The following CDC42EP4 variants were observed in gnomAD, a reference collection of about 807,000 sequenced individuals.
The protein encoded by CDC42EP4 is CDC42 effector protein (Rho GTPase binding) 4.
Under a neutral mutation model 5.6 loss-of-function variants are expected in CDC42EP4, and 6 were observed. The observed-to-expected ratio is 1.07, with a 90% CI of 0.59 to 2.12. The LOEUF is 2.12. CDC42EP4 is among the 30% of genes most tolerant of loss of function. CDC42EP4 has a pLI of 0.00. For synonymous variants in CDC42EP4, 230 were observed against 224.2 expected, an observed-to-expected ratio of 1.03 and a Z score of -0.23; for missense variants, 490 against 508.6, an observed-to-expected ratio of 0.96 and a Z score of 0.35.
At chr17:73,302,203 C>T (rs151072116) in intron 1 of CDC42EP4, among the ~76,000 whole-genome samples, 1 of 152,264 alleles carries the variant, frequency 6.6e-6, no homozygotes, top group Non-Finnish European at 1.5e-5. Flanking sequence ...ACCTTACAGG[C>T]TCTAAGCAAC....
chr17:73,285,840 C>T lies in CDC42EP4; in HGVS notation c.661G>A (p.Val221Ile), dbSNP rs765639996. The change falls in exon 2 of 2, where the codon GTC (valine) becomes ATC (isoleucine). Residue 221 changes from valine to isoleucine, a missense_variant. Physicochemically the swap from Val to Ile is conservative, Grantham distance 29. Coordinates refer to ENST00000335793, the MANE Select transcript of CDC42EP4 (RefSeq NM_012121.5). The surrounding 1 kb of genome is among the most constrained non-coding windows in gnomAD (Gnocchi z 6.8). ...IDLGPSMLGDVLSIMDKEEWD... is the reference protein window; with the variant it reads ...IDLGPSMLGDILSIMDKEEWD... ...TCCTCCTTGTCCATGATGCTGAGGACGTCACCCAGCATGGAGGGCCCCAGG... is the reference window on the plus strand; with the variant it reads ...TCCTCCTTGTCCATGATGCTGAGGATGTCACCCAGCATGGAGGGCCCCAGG... The T allele has an allele frequency of 6.8e-6, 11 of 1,613,684 alleles. No homozygotes were observed. Among genetic ancestry groups the T allele is most frequent in the South Asian group, 2.2e-5 (2 of 91,086 alleles).
intron 1 of CDC42EP4, among the ~76,000 whole-genome samples, chr17:73,289,715 CAGGAAGGGAGGAAGGG>C (rs1286046230): frequency 1.9e-5 from 1 of 53,906 alleles, no homozygotes; most frequent in African/African-American, 5.2e-5. Context: ...CTGAAGAAAA[CAGGAAGGGAGGAAGGG>C]AGGGAGGGAG....
intron 1 of CDC42EP4, among the ~76,000 whole-genome samples, chr17:73,296,994 A>AC (rs2062190226): frequency 7.9e-6 from 1 of 126,436 alleles, no homozygotes; most frequent in Admixed American, 8.1e-5. Flanking sequence ...AAAAAAAAAA[A>AC]AAAAAAAAAA....
At chr17:73,289,093 G>T (rs1307190263) in intron 1 of CDC42EP4, among the ~76,000 whole-genome samples, 1 of 152,140 alleles carries the variant, frequency 6.6e-6, no homozygotes, top group Non-Finnish European at 1.5e-5. Flanking sequence ...ACATTGAACC[G>T]CTAGACCAAA....
At chr17:73,303,925 C>T (rs2062232131) in intron 1 of CDC42EP4, among the ~76,000 whole-genome samples, 1 of 152,202 alleles carries the variant, frequency 6.6e-6, no homozygotes, top group Admixed American at 6.5e-5. Context: ...TGGGAAAACA[C>T]ACTACGGCTT....
At chr17:73,301,934 C>T (rs956125876) in intron 1 of CDC42EP4, among the ~76,000 whole-genome samples, 2 of 152,106 alleles carry the variant, frequency 1.3e-5, no homozygotes, top group Non-Finnish European at 2.9e-5. Flanking sequence ...AGGTGATCCA[C>T]CCACCTCGGC....
chr17:73,298,903 G>C (rs1264527687), intron 1 of CDC42EP4, among the ~76,000 whole-genome samples: 2 of 151,598 alleles, frequency 1.3e-5, no homozygotes, highest in Non-Finnish European at 1.5e-5. Context: ...CTATTTTAAA[G>C]AACGAGAAAC....
In CDC42EP4 at chr17:73,286,718, G is replaced by A. The variant is rs1317915502; in HGVS notation, c.-112-106C>T. 1.8e-6 allele frequency: 1 copy of A among 556,560 alleles called. No individual in the cohort carries two copies. Among genetic ancestry groups the A allele is most frequent in the African/African-American group, 1.9e-5 (1 of 53,448 alleles). The allele number at this position is 556,560 out of a possible 1,614,324, so 34.5% of individuals were successfully genotyped here. A position where few individuals can be genotyped will look rare whatever the true frequency, so the allele number is the denominator to read the frequency against. On this transcript the variant is annotated intron_variant, in intron 1 of 1. Transcript: ENST00000335793. This position sits in a 1 kb window ranked among gnomAD's most constrained non-coding sequence, Gnocchi z 7.7. ...TTTAAACCCCAGCGCTCCTACCAAA[G>A]TTAAATGCTGTGAAATAAGCCAGCA...
chr17:73,289,598 T>C lies in CDC42EP4; in HGVS notation c.-112-2986A>G, dbSNP rs2145308956. On this transcript the variant is annotated intron_variant, in intron 1 of 1. Coordinates refer to ENST00000335793, the MANE Select transcript of CDC42EP4 (RefSeq NM_012121.5). ...AAACCACCAAAAAGCCACATCTTTA[T>C]TTACAAAAGCAAACGCAGGCTGGGT... Among the ~76,000 whole-genome samples, 2 of 151,876 alleles carry C rather than the reference T, an allele frequency of 1.3e-5. 1 individual carries two copies. The highest frequency in any genetic ancestry group is 6.8e-3 in the Middle Eastern group (2 of 294).
chr17:73,306,399 C>A (rs894398752), intron 1 of CDC42EP4, among the ~76,000 whole-genome samples: 2 of 151,896 alleles, frequency 1.3e-5, no homozygotes, highest in African/African-American at 4.8e-5. Flanking sequence ...CTACTCAAGG[C>A]TGAGGTGGGA....
At chr17:73,295,369 G>A (rs2062179437) in intron 1 of CDC42EP4, among the ~76,000 whole-genome samples, 1 of 152,096 alleles carries the variant, frequency 6.6e-6, no homozygotes, top group Non-Finnish European at 1.5e-5. Flanking sequence ...TGGGCTCACC[G>A]CCAGGCACTA....
intron 1 of CDC42EP4, among the ~76,000 whole-genome samples, chr17:73,308,972 A>G (rs996504278): frequency 2.2e-5 from 3 of 136,912 alleles, no homozygotes; most frequent in Non-Finnish European, 3.1e-5. Flanking sequence ...CGGGAGGTGG[A>G]GGATGCAGTG....
chr17:73,293,350 G>A (rs576942144), intron 1 of CDC42EP4, among the ~76,000 whole-genome samples: 4 of 152,208 alleles, frequency 2.6e-5, no homozygotes, highest in Non-Finnish European at 1.5e-5. Flanking sequence ...TGGGTCTGGC[G>A]AAGGGGGACA....
upstream of CDC42EP4, chr17:73,312,001 T>TG (rs2062277805): frequency 6.6e-6 from 1 of 152,134 alleles, no homozygotes; most frequent in South Asian, 2.0e-4. Context: ...TGTTTCCCTC[T>TG]GGCTCTCGGG....
At chr17:73,291,062 A>G (rs2062159224) in intron 1 of CDC42EP4, among the ~76,000 whole-genome samples, 1 of 152,004 alleles carries the variant, frequency 6.6e-6, no homozygotes, top group African/African-American at 2.4e-5. Flanking sequence ...CAGCAGGGAA[A>G]CTCAGCTGAA....
intron 1 of CDC42EP4, among the ~76,000 whole-genome samples, chr17:73,301,864 A>G (rs1183261449): frequency 2.6e-5 from 4 of 152,088 alleles, no homozygotes; most frequent in Admixed American, 1.3e-4. Context: ...TAATTTTTGC[A>G]TTTTTAGTAG....
chr17:73,285,742 G>A lies in CDC42EP4; in HGVS notation c.759C>T (p.Pro253=). ...GGGGAGGGGCCGCCACGGCGTACGG[G>A]GGAGCCTGGGTGATGGTGCCAGCGG... ...EGAAGTITQA[P]PYAVAAPPLA... Residue 253 remains proline (P), a synonymous_variant, in exon 2 of 2, where the codon CCC becomes CCT. Transcript: ENST00000335793. This position sits in a 1 kb window ranked among gnomAD's most constrained non-coding sequence, Gnocchi z 6.8. The A allele has an allele frequency of 6.3e-7, 1 of 1,588,834 alleles. No individual in the cohort carries two copies. The highest frequency in any genetic ancestry group is 8.6e-7 in the Non-Finnish European group (1 of 1,162,284).
intron 1 of CDC42EP4, chr17:73,310,771 A>ACACACACACACACGCACT (rs1568347687): frequency 6.6e-5 from 10 of 152,278 alleles, no homozygotes; most frequent in African/African-American, 1.9e-4. Flanking sequence ...ACACACACAC[A>ACACACACACACACGCACT]CACACACACA....
At position 73,285,341 on chromosome 17, in the gene CDC42EP4, C is replaced by A; in HGVS notation, c.*89G>T. On this transcript the variant is annotated 3_prime_UTR_variant, in exon 2 of 2. Coordinates refer to ENST00000335793, the MANE Select transcript of CDC42EP4 (RefSeq NM_012121.5). The surrounding 1 kb of genome is among the most constrained non-coding windows in gnomAD (Gnocchi z 6.8). ...TGGTCTGAATCAAGGGTCCTGGCTG[C>A]CCCTGCGCCGTAGGGTCAAAGGTCA... 9.4e-7 allele frequency: 1 copy of A among 1,068,404 alleles called. No homozygotes were observed. Among genetic ancestry groups the A allele is most frequent in the Non-Finnish European group, 1.4e-6 (1 of 734,294 alleles). 66.2% of individuals were successfully genotyped at this position (1,068,404 alleles called of 1,614,324 possible).
Sources: gnomAD v4.1 joint callset for allele counts (sites outside exome capture counted in the v4.1 genomes callset) on GRCh38, gnomAD v4.1.1 for gene constraint, Gnocchi (gnomAD v3.1) non-coding constraint, MANE v1.5 for transcripts, NCBI Gene and HGNC (gene_info 2026-07-23, HGNC 2026-07-21) for gene names.